GPC6: variants seen among roughly 807,000 people sequenced by gnomAD.
The protein encoded by GPC6 is glypican-6.
GPC6 carries 14 observed loss-of-function variants against 55.2 expected under a neutral mutation model. The ratio of observed to expected loss-of-function variants is 0.25; its 90% confidence interval spans 0.17 to 0.40. The LOEUF (loss-of-function observed/expected upper bound fraction) is 0.40, where lower values mean the gene tolerates loss of function less well. Among genes scored for constraint, GPC6 ranks in the 10% least tolerant of loss-of-function variants. GPC6 has a pLI of 1.00. For missense variants in GPC6, 641 were observed against 708.5 expected, an observed-to-expected ratio of 0.90 and a Z score of 1.08; for synonymous variants, 278 against 259.6, an observed-to-expected ratio of 1.07 and a Z score of -0.68.
chr13:93,549,931 T>G (rs912043080), intron 2 of GPC6, among the ~76,000 whole-genome samples: 1 of 152,172 alleles, frequency 6.6e-6, no homozygotes, highest in African/African-American at 2.4e-5. Context: ...ATATAGGAAG[T>G]CAATACTTGG....
chr13:93,300,755 C>T (rs1217013137), intron 1 of GPC6, among the ~76,000 whole-genome samples: 2 of 152,042 alleles, frequency 1.3e-5, no homozygotes, highest in East Asian at 1.9e-4. Context: ...CATGGTGGCT[C>T]ATGCCTGTAA....
intron 2 of GPC6, among the ~76,000 whole-genome samples, chr13:93,621,103 G>A (rs1838102350): frequency 6.6e-6 from 1 of 152,152 alleles, no homozygotes; most frequent in South Asian, 2.1e-4. Context: ...TATGCTACAT[G>A]AACACTATGG....
chr13:93,311,718 C>T (rs1181420322), intron 1 of GPC6, among the ~76,000 whole-genome samples: 1 of 152,078 alleles, frequency 6.6e-6, no homozygotes, highest in Non-Finnish European at 1.5e-5. Context: ...CTCCTTGACC[C>T]CTATGCAGTG....
intron 2 of GPC6, among the ~76,000 whole-genome samples, chr13:93,569,199 A>C (rs1262019169): frequency 6.6e-6 from 1 of 152,140 alleles, no homozygotes; most frequent in Non-Finnish European, 1.5e-5. Flanking sequence ...CCTGAAGATA[A>C]ATAAGATTAT....
intron 2 of GPC6, among the ~76,000 whole-genome samples, chr13:93,730,776 T>C (rs1244750868): frequency 6.6e-6 from 1 of 152,128 alleles, no homozygotes. Context: ...AGTAAAACCA[T>C]TTCTTGTTTT....
At chr13:93,776,128 G>T (rs1885459307) in intron 2 of GPC6, among the ~76,000 whole-genome samples, 3 of 10,942 alleles carry the variant, frequency 2.7e-4, no homozygotes. Flanking sequence ...AAACACCCAA[G>T]TATCCTGTTC....
intron 1 of GPC6, among the ~76,000 whole-genome samples, chr13:93,489,388 T>C (rs529192102): frequency 6.6e-6 from 1 of 151,600 alleles, no homozygotes; most frequent in East Asian, 2.2e-4. Flanking sequence ...GTAGTATAGT[T>C]TAAAGACAGG....
chr13:94,178,517 C>A (rs193286098), intron 4 of GPC6, among the ~76,000 whole-genome samples: 7 of 152,334 alleles, frequency 4.6e-5, no homozygotes, highest in African/African-American at 1.4e-4. Flanking sequence ...CACTAGACTA[C>A]ACCCAATTAT....
chr13:93,313,542 G>C (rs185204981), intron 1 of GPC6, among the ~76,000 whole-genome samples: 33 of 152,200 alleles, frequency 2.2e-4, no homozygotes, highest in Admixed American at 2.2e-3. Context: ...AATATGTCTA[G>C]ACACTTTATT....
At chr13:93,612,209 T>C (rs1280153637) in intron 2 of GPC6, among the ~76,000 whole-genome samples, 1 of 152,146 alleles carries the variant, frequency 6.6e-6, no homozygotes, top group Non-Finnish European at 1.5e-5. Context: ...TATAAAATAC[T>C]TCATGTTAGG....
At chr13:93,911,652 T>C (rs903247853) in intron 3 of GPC6, among the ~76,000 whole-genome samples, 6 of 152,206 alleles carry the variant, frequency 3.9e-5, no homozygotes, top group Non-Finnish European at 7.3e-5. Context: ...CACAAAGTTC[T>C]AGATTCGGAT....
chr13:93,237,345 AT>A (rs1566535962), intron 1 of GPC6, among the ~76,000 whole-genome samples: 1 of 151,524 alleles, frequency 6.6e-6, no homozygotes, highest in Admixed American at 6.6e-5. Flanking sequence ...TTTTTTTCAC[AT>A]TTTTGCCCAT....
chr13:93,611,938 A>T (rs964323434), intron 2 of GPC6, among the ~76,000 whole-genome samples: 6 of 152,186 alleles, frequency 3.9e-5, no homozygotes, highest in Non-Finnish European at 1.5e-5. Context: ...TAGCTAATAA[A>T]ATTAAACTCA....
intron 2 of GPC6, among the ~76,000 whole-genome samples, chr13:93,806,610 G>A (rs1172512051): frequency 6.6e-6 from 1 of 152,150 alleles, no homozygotes; most frequent in Non-Finnish European, 1.5e-5. Context: ...AAAATTCTGG[G>A]ATTACAGGTG....
At chr13:93,780,054 A>G (rs758865262) in intron 2 of GPC6, among the ~76,000 whole-genome samples, 3 of 152,212 alleles carry the variant, frequency 2.0e-5, no homozygotes, top group Admixed American at 1.3e-4. Flanking sequence ...TACCTAGATC[A>G]GGAGAAGTGA....
intron 4 of GPC6, among the ~76,000 whole-genome samples, chr13:94,237,061 G>A (rs1382826288): frequency 6.6e-6 from 1 of 152,120 alleles, no homozygotes; most frequent in Non-Finnish European, 1.5e-5. Flanking sequence ...TAAAAGGACA[G>A]GAAACAAGAT....
At chr13:94,005,004 T>A (rs1166316887) in intron 3 of GPC6, among the ~76,000 whole-genome samples, 1 of 152,092 alleles carries the variant, frequency 6.6e-6, no homozygotes, top group Non-Finnish European at 1.5e-5. Context: ...AGGCGGAGGT[T>A]GCAGTGAGCC....
chr13:94,011,914 A>G (rs181544586), intron 3 of GPC6, among the ~76,000 whole-genome samples: 8 of 152,302 alleles, frequency 5.3e-5, no homozygotes, highest in African/African-American at 1.9e-4. Context: ...AATATTAAAT[A>G]TTTTCTGAAT....
chr13:93,376,626 A>G (rs1014501487), intron 1 of GPC6, among the ~76,000 whole-genome samples: 4 of 152,210 alleles, frequency 2.6e-5, no homozygotes, highest in Non-Finnish European at 5.9e-5. Flanking sequence ...ACATGATTGT[A>G]AATGTTGGGT....
Sources: allele counts gnomAD v4.1 joint callset (sites outside exome capture counted in the v4.1 genomes callset), GRCh38; gene constraint gnomAD v4.1.1; transcripts MANE v1.5; gene names NCBI Gene and HGNC (gene_info 2026-07-23, HGNC 2026-07-21).